SIL1: variants seen among roughly 807,000 people sequenced by gnomAD.
The protein encoded by SIL1 is nucleotide exchange factor SIL1.
SIL1 carries 40 observed loss-of-function variants against 49.1 expected under a neutral mutation model. That is an observed-to-expected ratio of 0.81 (90% CI 0.63 to 1.06). The LOEUF (loss-of-function observed/expected upper bound fraction) is 1.06, where lower values mean the gene tolerates loss of function less well. SIL1 is among the 50% of genes least tolerant of loss of function. The probability of loss-of-function intolerance (pLI) is 0.00; values close to 1 mark genes in which losing one functional copy is unlikely to be tolerated. For missense variants in SIL1, 500 were observed against 572.6 expected (o/e 0.87, Z 1.29); for synonymous variants, 253 against 250.8 (o/e 1.01, Z -0.08).
rs955425458 is a variant in SIL1, at chr5:139,100,475, T to C, written c.244+20560A>G. On this transcript the variant is annotated intron_variant, in intron 3 of 9. Coordinates refer to ENST00000394817, the MANE Select transcript of SIL1 (RefSeq NM_022464.5). ...TGCAGGCCAAAGAAGGAGCTAACCC[T>C]TACTTTATGTGAGAAGGAACACCAG... Among the ~76,000 whole-genome samples, 24 of 152,288 alleles carry C rather than the reference T, an allele frequency of 1.6e-4. 1 individual carries two copies. Among genetic ancestry groups the C allele is most frequent in the Admixed American group, 1.3e-3 (20 of 15,294 alleles).
chr5:139,180,381 CAAAAAAAAAA>C (rs35534058), intron 1 of SIL1, among the ~76,000 whole-genome samples: 4 of 57,052 alleles, frequency 7.0e-5, no homozygotes, highest in Non-Finnish European at 1.3e-4. Flanking sequence ...AACTCCATCT[CAAAAAAAAAA>C]AAAAAAAAAA....
At chr5:139,124,537 C>A (rs1750717246) in intron 2 of SIL1, among the ~76,000 whole-genome samples, 1 of 152,084 alleles carries the variant, frequency 6.6e-6, no homozygotes, top group East Asian at 1.9e-4. Flanking sequence ...GTTTACGAGC[C>A]CTGGCTATAA....
At chr5:139,013,191 A>C (rs781002233) in intron 7 of SIL1, among the ~76,000 whole-genome samples, 16 of 152,212 alleles carry the variant, frequency 1.1e-4, no homozygotes, top group Non-Finnish European at 2.1e-4. Flanking sequence ...TAAATTGGAC[A>C]TCAGATCTAG....
intron 3 of SIL1, among the ~76,000 whole-genome samples, chr5:139,099,823 G>A (rs1770547874): frequency 6.6e-6 from 1 of 151,994 alleles, no homozygotes; most frequent in Non-Finnish European, 1.5e-5. Flanking sequence ...GATGGTTAAT[G>A]GATATTAAAA....
rs556208863 is a variant in SIL1 at position 139,183,861 on chromosome 5, T to A, written c.-11+14408A>T. 6.6e-4 allele frequency among the ~76,000 whole-genome samples: 101 copies of A among 152,328 alleles called. 2 individuals carry two copies. Among genetic ancestry groups the A allele is most frequent in the Admixed American group, 6.5e-3 (100 of 15,308 alleles). On this transcript the variant is annotated intron_variant, in intron 1 of 9. Transcript: ENST00000394817. ...TTACTCTCTCTGGGATGTGGAGCAT[T>A]AAATTATATCCAAGGACTACACAAG...
At chr5:139,040,660 G>A (rs1471996186) in intron 5 of SIL1, among the ~76,000 whole-genome samples, 3 of 151,348 alleles carry the variant, frequency 2.0e-5, no homozygotes, top group Non-Finnish European at 4.4e-5. Flanking sequence ...CATCATGCCC[G>A]GCTAATTTTT....
chr5:139,103,401 G>A (rs143993157), intron 3 of SIL1, among the ~76,000 whole-genome samples: 247 of 152,258 alleles, frequency 1.6e-3, no homozygotes, highest in African/African-American at 5.5e-3. Context: ...CTGAACCAGC[G>A]TGCCAGTCAG....
chr5:138,954,866 TAGGAC>T (rs1345488817), intron 7 of SIL1, among the ~76,000 whole-genome samples: 3 of 152,234 alleles, frequency 2.0e-5, no homozygotes, highest in Non-Finnish European at 2.9e-5. Flanking sequence ...GAGGCAGAGC[TAGGAC>T]TACCCATGTA....
chr5:138,973,820 A>G (rs1767337642), intron 7 of SIL1, among the ~76,000 whole-genome samples: 1 of 152,144 alleles, frequency 6.6e-6, no homozygotes, highest in Non-Finnish European at 1.5e-5. Context: ...TCCAGGCTCA[A>G]GTGATCCTCC....
chr5:139,008,162 A>T (rs1348172386), intron 7 of SIL1, among the ~76,000 whole-genome samples: 2 of 151,402 alleles, frequency 1.3e-5, no homozygotes, highest in Non-Finnish European at 2.9e-5. Context: ...CTATTAAGAG[A>T]TTCAACTTCT....
chr5:139,096,570 G>A (rs1770471446), intron 3 of SIL1, among the ~76,000 whole-genome samples: 1 of 151,516 alleles, frequency 6.6e-6, no homozygotes, highest in African/African-American at 2.4e-5. Context: ...GAGAAGAAGA[G>A]AGAAAAGAGT....
At chr5:139,121,695 C>G (rs1357563372) in intron 2 of SIL1, among the ~76,000 whole-genome samples, 1 of 152,178 alleles carries the variant, frequency 6.6e-6, no homozygotes, top group Non-Finnish European at 1.5e-5. Context: ...CCCAGCAGGG[C>G]ACAATTCCCC....
chr5:139,179,984 A>G (rs1426754579), intron 1 of SIL1, among the ~76,000 whole-genome samples: 2 of 151,454 alleles, frequency 1.3e-5, no homozygotes, highest in Non-Finnish European at 2.9e-5. Flanking sequence ...TGACCTCAGG[A>G]AGTCGAGGCT....
chr5:139,026,828 G>C lies in SIL1; in HGVS notation c.618C>G (p.Leu206=), dbSNP rs899502101. The C allele has an allele frequency of 6.2e-7, 1 of 1,614,122 alleles. No homozygotes were observed. The highest frequency in any genetic ancestry group is 8.5e-7 in the Non-Finnish European group (1 of 1,179,968). The part of the protein sequence containing the change: ...SSSLEEKIAA[L]FDLEYYVHQM... ...GATGGACATAATATTCAAGATCAAA[G>C]AGCGCAGCAATCTTCTCTTCCAAAC... The change falls in exon 6 of 10, where the codon CTC becomes CTG. Residue 206 remains leucine (L), a synonymous_variant. Coordinates refer to ENST00000394817, the MANE Select transcript of SIL1 (RefSeq NM_022464.5).
chr5:139,086,529 T>C (rs1581089465), intron 3 of SIL1, among the ~76,000 whole-genome samples: 1 of 151,858 alleles, frequency 6.6e-6, no homozygotes, highest in Non-Finnish European at 1.5e-5. Flanking sequence ...GCTAATTTTT[T>C]TTGTTTTTAG....
Position 139,026,879 on chromosome 5 carries a change from G to A in SIL1, c.567C>T (p.Ile189=), listed in dbSNP as rs760365354. ...TGGAGCTGGAACTATTGAACTTGTT[G>A]ATCAGCCGTACCATGATCTGCATGT... ...ETDMQIMVRL[I]NKFNSSSSSL... Residue 189 remains isoleucine, a synonymous_variant, in exon 6 of 10, where the codon ATC becomes ATT. Transcript: ENST00000394817. 2 of 1,614,072 alleles carry A rather than the reference G, an allele frequency of 1.2e-6. No homozygotes were observed. Among genetic ancestry groups the A allele is most frequent in the African/African-American group, 1.3e-5 (1 of 74,928 alleles).
At chr5:139,025,334 C>T (rs1443721557) in intron 6 of SIL1, among the ~76,000 whole-genome samples, 1 of 152,124 alleles carries the variant, frequency 6.6e-6, no homozygotes, top group African/African-American at 2.4e-5. Context: ...CAAATTCCAG[C>T]TCTACCACTC....
chr5:139,008,240 T>C lies in SIL1; in HGVS notation c.767+12931A>G, dbSNP rs1230508042. On this transcript the variant is annotated intron_variant, in intron 7 of 9. Transcript: ENST00000394817. ...TCCATTTCTTCTAGATTTTCTAATT[T>C]ATTTGCGTAGAGGTGTTTGTAGTAT... 5.3e-5 allele frequency among the ~76,000 whole-genome samples: 8 copies of C among 151,866 alleles called. No homozygotes were observed. In the East Asian group the frequency reaches 1.5e-3, roughly 29 times the overall value.
intron 1 of SIL1, among the ~76,000 whole-genome samples, chr5:139,162,582 A>G (rs1024833888): frequency 2.6e-5 from 4 of 152,244 alleles, no homozygotes; most frequent in South Asian, 4.1e-4. Context: ...AATGAATAAG[A>G]AAGAAAATCA....
Sources: allele counts gnomAD v4.1 joint callset (sites outside exome capture counted in the v4.1 genomes callset), GRCh38; gene constraint gnomAD v4.1.1; transcripts MANE v1.5; gene names NCBI Gene and HGNC (gene_info 2026-07-23, HGNC 2026-07-21).